DPP10: variants seen among roughly 807,000 people sequenced by gnomAD.
DPP10 encodes dipeptidyl peptidase like 10.
A neutral mutation model predicts 120.9 loss-of-function variants in DPP10; 33 were observed. The observed-to-expected ratio is 0.27, with a 90% CI of 0.21 to 0.37. The LOEUF (loss-of-function observed/expected upper bound fraction) is 0.37. DPP10 is among the 10% of genes least tolerant of loss of function. DPP10 has a pLI of 1.00. For synonymous variants in DPP10, 337 were observed against 326.1 expected (o/e 1.03, Z -0.36); for missense variants, 816 against 942.8 (o/e 0.87, Z 1.76).
At position 114,799,211 on chromosome 2, in the gene DPP10, G is replaced by A. The variant is rs77912830; in HGVS notation, c.60+356373G>A. Among the ~76,000 whole-genome samples, 914 of 152,276 alleles carry A rather than the reference G, an allele frequency of 6.0e-3. 15 individuals carry two copies. The highest frequency in any genetic ancestry group is 0.021 in the African/African-American group (876 of 41,536). On this transcript the variant is annotated intron_variant, in intron 1 of 25. Coordinates refer to ENST00000410059, the MANE Select transcript of DPP10 (RefSeq NM_020868.6). ...GAGTACAGGGTTGCAGTTCATTTGA[G>A]GATTGCATTATCTCTCCTTCCTAAA...
intron 1 of DPP10, among the ~76,000 whole-genome samples, chr2:115,124,049 C>A (rs2049954681): frequency 6.6e-6 from 1 of 151,546 alleles, no homozygotes; most frequent in Admixed American, 6.6e-5. Context: ...CAGGCTCAAT[C>A]TTCCAACTGC....
At chr2:115,615,162 G>T (rs966021314) in intron 5 of DPP10, among the ~76,000 whole-genome samples, 1 of 151,770 alleles carries the variant, frequency 6.6e-6, no homozygotes, top group African/African-American at 2.4e-5. Flanking sequence ...AAAAAAAAAA[G>T]CTTGATTAGC....
Position 115,270,735 on chromosome 2 carries a change from C to T in DPP10, c.61-38504C>T, listed in dbSNP as rs554528362. Among the ~76,000 whole-genome samples the T allele has an allele frequency of 3.2e-4, 48 of 152,268 alleles. 1 individual carries two copies. The highest frequency in any genetic ancestry group is 1.0e-3 in the African/African-American group (43 of 41,564). On this transcript the variant is annotated intron_variant, in intron 1 of 25. Transcript: ENST00000410059. ...GAAACACATTTATGACACACATGCT[C>T]ATTGCAGATACTAGTAATTGATGAT...
intron 1 of DPP10, among the ~76,000 whole-genome samples, chr2:115,244,932 G>A (rs543433717): frequency 6.6e-6 from 1 of 151,302 alleles, no homozygotes; most frequent in Admixed American, 6.6e-5. Flanking sequence ...TGAGATTTTG[G>A]TGTATCTGTC....
intron 1 of DPP10, among the ~76,000 whole-genome samples, chr2:115,280,355 A>G (rs998151125): frequency 6.6e-6 from 1 of 152,166 alleles, no homozygotes; most frequent in African/African-American, 2.4e-5. Flanking sequence ...CTTGAATATG[A>G]GGCTGAGTAA....
intron 5 of DPP10, among the ~76,000 whole-genome samples, chr2:115,635,953 T>C (rs2086289797): frequency 6.6e-6 from 1 of 152,192 alleles, no homozygotes; most frequent in African/African-American, 2.4e-5. Context: ...ATTGCACATA[T>C]TACTTGAAAG....
chr2:115,240,746 G>A (rs1306224689), intron 1 of DPP10, among the ~76,000 whole-genome samples: 2 of 152,132 alleles, frequency 1.3e-5, no homozygotes, highest in Non-Finnish European at 2.9e-5. Context: ...TTCAAAGTAT[G>A]CCCATACTAA....
At chr2:114,765,259 G>A (rs770616893) in intron 1 of DPP10, among the ~76,000 whole-genome samples, 26 of 152,090 alleles carry the variant, frequency 1.7e-4, no homozygotes, top group East Asian at 3.8e-4. Flanking sequence ...ATTATGTGTC[G>A]TTGGGGAATG....
intron 1 of DPP10, among the ~76,000 whole-genome samples, chr2:114,562,056 G>A (rs1426272368): frequency 6.6e-6 from 1 of 152,158 alleles, no homozygotes; most frequent in East Asian, 1.9e-4. Flanking sequence ...TTGGACTATG[G>A]GGCTTAGCCC....
At chr2:115,684,327 G>A (rs1162886518) in intron 5 of DPP10, among the ~76,000 whole-genome samples, 1 of 151,752 alleles carries the variant, frequency 6.6e-6, no homozygotes, top group Non-Finnish European at 1.5e-5. Context: ...GTAACTGTGT[G>A]AAGAAGATAA....
At chr2:114,445,011 G>A (rs1457649162) in intron 1 of DPP10, among the ~76,000 whole-genome samples, 1 of 152,012 alleles carries the variant, frequency 6.6e-6, no homozygotes, top group Non-Finnish European at 1.5e-5. Context: ...TACTAAAAAT[G>A]GCTATCTATA....
At chr2:114,716,989 G>A (rs566213279) in intron 1 of DPP10, among the ~76,000 whole-genome samples, 3 of 152,308 alleles carry the variant, frequency 2.0e-5, no homozygotes, top group South Asian at 2.1e-4. Context: ...TGCCACTTGA[G>A]GAGTGGAGAA....
At position 115,842,581 on chromosome 2, in the gene DPP10, G is replaced by C. The variant is rs1690262860; in HGVS notation, c.*236G>C. 5.5e-6 allele frequency: 2 copies of C among 360,706 alleles called. No individual in the cohort carries two copies. The highest frequency in any genetic ancestry group is 9.8e-6 in the Non-Finnish European group (2 of 203,396). 22.3% of individuals were successfully genotyped at this position (360,706 alleles called of 1,614,324 possible). ...GAGAGGTCAAAGGGTTGGTTTCCTG[G>C]GAGAAATTAGTTTTGCATTAAAGTA... On this transcript the variant is annotated 3_prime_UTR_variant, in exon 26 of 26. Coordinates refer to ENST00000410059, the MANE Select transcript of DPP10 (RefSeq NM_020868.6).
intron 1 of DPP10, among the ~76,000 whole-genome samples, chr2:115,016,011 T>C (rs1702605594): frequency 1.3e-5 from 2 of 152,206 alleles, no homozygotes; most frequent in South Asian, 2.1e-4. Context: ...CAAAATTTCA[T>C]ATGGAACCAA....
At chr2:115,821,397 C>G (rs1687802346) in intron 21 of DPP10, among the ~76,000 whole-genome samples, 1 of 151,978 alleles carries the variant, frequency 6.6e-6, no homozygotes, top group Non-Finnish European at 1.5e-5. Flanking sequence ...ATTCAAATTA[C>G]AATAACATCC....
chr2:115,534,244 A>G (rs562238674), intron 5 of DPP10, among the ~76,000 whole-genome samples: 63 of 152,096 alleles, frequency 4.1e-4, no homozygotes, highest in African/African-American at 1.4e-3. Context: ...ATATCTCCCA[A>G]TGCTATCCCT....
chr2:115,431,684 G>A (rs1261775866), intron 3 of DPP10, among the ~76,000 whole-genome samples: 1 of 152,038 alleles, frequency 6.6e-6, no homozygotes, highest in East Asian at 1.9e-4. Flanking sequence ...CACTTCAGGG[G>A]TCTAACCGAA....
At chr2:115,023,407 A>G (rs1306702911) in intron 1 of DPP10, among the ~76,000 whole-genome samples, 1 of 152,172 alleles carries the variant, frequency 6.6e-6, no homozygotes, top group Non-Finnish European at 1.5e-5. Context: ...AATATCACTA[A>G]TCATCAGAGA....
intron 5 of DPP10, chr2:115,579,790 G>A (rs766081799): frequency 1.1e-4 from 16 of 152,048 alleles, no homozygotes; most frequent in South Asian, 2.1e-4. Context: ...TCCACATAAC[G>A]TATACACATT....
Sources: allele counts gnomAD v4.1 joint callset (sites outside exome capture counted in the v4.1 genomes callset), GRCh38; gene constraint gnomAD v4.1.1; transcripts MANE v1.5; gene names NCBI Gene and HGNC (gene_info 2026-07-23, HGNC 2026-07-21).